Variants in CDH13 observed in about 807,000 individuals in gnomAD.
CDH13 encodes cadherin-13.
CDH13 carries 24 observed loss-of-function variants against 63.8 expected under a neutral mutation model. That is an observed-to-expected ratio of 0.38 (90% confidence interval 0.27 to 0.53). The LOEUF is 0.53. Among genes scored for constraint, CDH13 ranks in the 20% least tolerant of loss-of-function variants. The probability of loss-of-function intolerance (pLI) is 0.85; values close to 1 mark genes in which losing one functional copy is unlikely to be tolerated. For synonymous variants in CDH13, 503 were observed against 355.3 expected, an observed-to-expected ratio of 1.42 and a Z score of -4.67; for missense variants, 1,049 against 903.1, an observed-to-expected ratio of 1.16 and a Z score of -2.07.
chr16:82,881,849 G>A (rs1199459899), intron 2 of CDH13, among the ~76,000 whole-genome samples: 5 of 152,048 alleles, frequency 3.3e-5, no homozygotes, highest in East Asian at 1.9e-4. Flanking sequence ...CCCACACCCA[G>A]GTCTCTTTCC....
In CDH13 at chr16:82,731,161, T is replaced by C. The variant is rs1464399338; in HGVS notation, c.45+104024T>C. On this transcript the variant is annotated intron_variant, in intron 1 of 13. Coordinates refer to ENST00000567109, the MANE Select transcript of CDH13 (RefSeq NM_001257.5). ...CACCTCAGGGCTAGATGTCTTGTTT[T>C]TGAACTAGAATGGCAGTCAGCAAAC... Among the ~76,000 whole-genome samples the C allele has an allele frequency of 2.6e-5, 4 of 152,156 alleles. No homozygotes were observed. The East Asian group carries it at 7.7e-4, about 29-fold the overall frequency.
At chr16:83,379,686 A>G (rs1049080025) in intron 6 of CDH13, among the ~76,000 whole-genome samples, 1 of 152,114 alleles carries the variant, frequency 6.6e-6, no homozygotes, top group Non-Finnish European at 1.5e-5. Flanking sequence ...ACCAGCTCAC[A>G]TCTGTGCACA....
rs145969446 is a variant in CDH13, at chr16:83,757,988, G to T, written c.1681+9738G>T. 5.5e-4 allele frequency among the ~76,000 whole-genome samples: 84 copies of T among 151,808 alleles called. No individual in the cohort carries two copies. The Middle Eastern group carries it at 0.01, about 18-fold the overall frequency. On this transcript the variant is annotated intron_variant, in intron 11 of 13. Transcript: ENST00000567109. ...GCTAAAAAATACAAAAATTAGCTGG[G>T]TATGGTGGTGCACGCCTGTAATCCC...
chr16:82,932,258 A>T (rs1206491444), intron 2 of CDH13, among the ~76,000 whole-genome samples: 2 of 152,170 alleles, frequency 1.3e-5, no homozygotes, highest in African/African-American at 4.8e-5. Context: ...TATTCTAAAA[A>T]ATTGTTTATC....
intron 2 of CDH13, among the ~76,000 whole-genome samples, chr16:82,979,416 G>A (rs1223773396): frequency 6.6e-6 from 1 of 152,132 alleles, no homozygotes; most frequent in African/African-American, 2.4e-5. Context: ...TTGAATTATA[G>A]TTCCTGTAAT....
At chr16:83,077,186 C>CTTTTTTTTTTTTTCT (rs2032905430) in intron 3 of CDH13, among the ~76,000 whole-genome samples, 1 of 59,144 alleles carries the variant, frequency 1.7e-5, no homozygotes, top group Non-Finnish European at 2.9e-5. Flanking sequence ...TTTTTCTTTT[C>CTTTTTTTTTTTTTCT]TTTTTTTTTT....
chr16:83,754,180 G>A lies in CDH13; in HGVS notation c.1681+5930G>A, dbSNP rs1408043006. Among the ~76,000 whole-genome samples, 4 of 152,310 alleles carry A rather than the reference G, an allele frequency of 2.6e-5. No individual in the cohort carries two copies. The East Asian group carries it at 7.7e-4, about 29-fold the overall frequency. ...AGAAAACAGAGACCTACCAAAGGAAGCAAGCTCTCCTCAAATACATAGCCA... is the reference window on the plus strand; with the variant it reads ...AGAAAACAGAGACCTACCAAAGGAAACAAGCTCTCCTCAAATACATAGCCA... On this transcript the variant is annotated intron_variant, in intron 11 of 13. Coordinates refer to ENST00000567109, the MANE Select transcript of CDH13 (RefSeq NM_001257.5).
intron 5 of CDH13, among the ~76,000 whole-genome samples, chr16:83,268,445 T>C (rs1376595918): frequency 6.6e-6 from 1 of 152,190 alleles, no homozygotes; most frequent in East Asian, 1.9e-4. Flanking sequence ...CCACATTTTT[T>C]CCAAACCAGC....
intron 3 of CDH13, among the ~76,000 whole-genome samples, chr16:83,033,998 T>C (rs568473666): frequency 2.5e-4 from 38 of 152,204 alleles, no homozygotes; most frequent in African/African-American, 7.2e-4. Context: ...GGAGCGAGTG[T>C]GGGTCACACA....
intron 5 of CDH13, among the ~76,000 whole-genome samples, chr16:83,281,028 AC>A (rs2089154442): frequency 6.6e-6 from 1 of 152,160 alleles, no homozygotes; most frequent in South Asian, 2.1e-4. Flanking sequence ...CTTCAATTTT[AC>A]CCCCTAACCA....
intron 7 of CDH13, among the ~76,000 whole-genome samples, chr16:83,536,419 T>G (rs570689134): frequency 6.6e-6 from 1 of 152,070 alleles, no homozygotes; most frequent in East Asian, 1.9e-4. Context: ...TGAGGTGGTG[T>G]TAACTGAGCA....
intron 6 of CDH13, among the ~76,000 whole-genome samples, chr16:83,468,913 C>G (rs979471766): frequency 5.3e-5 from 8 of 152,168 alleles, no homozygotes; most frequent in Non-Finnish European, 1.2e-4. Flanking sequence ...ACTTTGATCT[C>G]CCTTTGGATG....
At chr16:82,959,658 ACT>A (rs1356663097) in intron 2 of CDH13, among the ~76,000 whole-genome samples, 4 of 152,028 alleles carry the variant, frequency 2.6e-5, no homozygotes, top group African/African-American at 9.7e-5. Flanking sequence ...AAGTGAGAAG[ACT>A]CTTTTTAAGG....
At position 83,795,020 on chromosome 16, in the gene CDH13, C is replaced by T. The variant is rs1175253425; in HGVS notation, c.2135-3C>T. 1 of 1,594,612 alleles carries T rather than the reference C, an allele frequency of 6.3e-7. No homozygotes were observed. The highest frequency in any genetic ancestry group is 1.7e-5 in the Admixed American group (1 of 57,280). On this transcript the variant is annotated splice_region_variant and splice_polypyrimidine_tract_variant and intron_variant, in intron 13 of 13. Coordinates refer to ENST00000567109, the MANE Select transcript of CDH13 (RefSeq NM_001257.5). The stretch of plus-strand genomic sequence containing the variant: ...GACTTAACTCTGAACCCTCTCTATT[C>T]AGGTCTGTGAGAACTCCTGACGTCT...
At chr16:82,854,382 C>G (rs1411727168) in intron 1 of CDH13, among the ~76,000 whole-genome samples, 1 of 109,286 alleles carries the variant, frequency 9.2e-6, no homozygotes. Context: ...ACCTGGGTGA[C>G]AGAGCAAGGC....
chr16:82,683,536 A>C (rs1170799038), intron 1 of CDH13, among the ~76,000 whole-genome samples: 2 of 152,254 alleles, frequency 1.3e-5, no homozygotes, highest in African/African-American at 2.4e-5. Context: ...AGAAACAGCT[A>C]GACCAAGGAG....
chr16:82,895,991 C>A (rs1247639324), intron 2 of CDH13, among the ~76,000 whole-genome samples: 2 of 152,182 alleles, frequency 1.3e-5, no homozygotes, highest in African/African-American at 2.4e-5. Flanking sequence ...ATGGGTAGTG[C>A]TTCCTGTCAT....
intron 5 of CDH13, among the ~76,000 whole-genome samples, chr16:83,287,608 T>C (rs759407665): frequency 6.6e-6 from 1 of 152,140 alleles, no homozygotes; most frequent in Non-Finnish European, 1.5e-5. Flanking sequence ...CCCGGATGGG[T>C]CCCTCTAGTT....
At chr16:83,085,069 A>T (rs1248229785) in intron 3 of CDH13, among the ~76,000 whole-genome samples, 1 of 151,948 alleles carries the variant, frequency 6.6e-6, no homozygotes, top group Non-Finnish European at 1.5e-5. Flanking sequence ...TTCCCCTTAT[A>T]TTGGTCTGTT....
Sources: allele counts gnomAD v4.1 joint callset (sites outside exome capture counted in the v4.1 genomes callset), GRCh38; gene constraint gnomAD v4.1.1; transcripts MANE v1.5; gene names NCBI Gene and HGNC (gene_info 2026-07-23, HGNC 2026-07-21).